DGCR2: variants seen among roughly 807,000 people sequenced by gnomAD.
DGCR2 encodes DiGeorge syndrome critical region gene 2.
A neutral mutation model predicts 51.6 loss-of-function variants in DGCR2; 24 were observed. The ratio of observed to expected loss-of-function variants is 0.47; its 90% confidence interval spans 0.34 to 0.65. DGCR2 has a LOEUF of 0.65. DGCR2 is among the 30% of genes least tolerant of loss of function. The pLI is 0.01. For synonymous variants in DGCR2, 340 were observed against 315.4 expected, an observed-to-expected ratio of 1.08 and a Z score of -0.82; for missense variants, 765 against 772.1, an observed-to-expected ratio of 0.99 and a Z score of 0.11.
At position 19,038,906 on chromosome 22, in the gene DGCR2, C is replaced by T; in HGVS notation, c.1612G>A (p.Gly538Ser). The T allele has an allele frequency of 6.2e-7, 1 of 1,612,840 alleles. No individual in the cohort carries two copies. The highest frequency in any genetic ancestry group is 8.5e-7 in the Non-Finnish European group (1 of 1,179,886). Reference sequence around the variant, plus strand: ...AGGGAGCTGCGGCTGTGGCGGCCACCCCCTGGCAGTGCCTCTGCAGCTGGG... The same window carrying T: ...AGGGAGCTGCGGCTGTGGCGGCCACTCCCTGGCAGTGCCTCTGCAGCTGGG... Reference protein sequence around the residue: ...STPAAEALPGGGRHSRSSLNT... With the variant: ...STPAAEALPGSGRHSRSSLNT... The change falls in exon 10 of 10, where the codon GGT becomes AGT. Residue 538 changes from glycine to serine, a missense_variant. Gly to Ser is a moderately conservative substitution (Grantham distance 56, BLOSUM62 0). Coordinates refer to ENST00000263196, the MANE Select transcript of DGCR2 (RefSeq NM_005137.3).
At chr22:19,052,322 A>G (rs1455144849) in intron 6 of DGCR2, among the ~76,000 whole-genome samples, 8 of 151,922 alleles carry the variant, frequency 5.3e-5, no homozygotes, top group African/African-American at 1.9e-4. Flanking sequence ...AGGCTGAGAC[A>G]TGCGAATCGC....
intron 1 of DGCR2, among the ~76,000 whole-genome samples, chr22:19,117,157 T>C (rs1005372192): frequency 5.7e-4 from 87 of 152,148 alleles, no homozygotes; most frequent in Non-Finnish European, 1.1e-3. Flanking sequence ...GAAGGACACC[T>C]GCACAAACAA....
At chr22:19,067,247 C>A (rs1203682682) in intron 3 of DGCR2, among the ~76,000 whole-genome samples, 2 of 152,244 alleles carry the variant, frequency 1.3e-5, no homozygotes, top group Admixed American at 1.3e-4. Flanking sequence ...AGCCGCTGCT[C>A]AGCGTACTTG....
chr22:19,042,755 A>G (rs1256191578), intron 7 of DGCR2, among the ~76,000 whole-genome samples: 4 of 151,902 alleles, frequency 2.6e-5, no homozygotes, highest in Non-Finnish European at 4.4e-5. Flanking sequence ...GATTGCCACA[A>G]CTCCCTGATG....
At chr22:19,050,936 C>T (rs1037369502) in intron 6 of DGCR2, among the ~76,000 whole-genome samples, 31 of 152,104 alleles carry the variant, frequency 2.0e-4, no homozygotes, top group African/African-American at 7.5e-4. Flanking sequence ...CACCTGTAAT[C>T]CCAGCACTTT....
intron 2 of DGCR2, among the ~76,000 whole-genome samples, chr22:19,076,456 C>T (rs1380595398): frequency 2.0e-5 from 3 of 152,134 alleles, no homozygotes; most frequent in South Asian, 2.1e-4. Context: ...TGAGCCACCG[C>T]GCCCGGCAGG....
Position 19,036,528 on chromosome 22 carries a change from A to C in DGCR2, c.*2337T>G, listed in dbSNP as rs1298287097. On this transcript the variant is annotated 3_prime_UTR_variant, in exon 10 of 10. Transcript: ENST00000263196. ...GACCCCTGGAGCACAAGGTTCAGCA[A>C]GGGTGACCCCGGGACTTGCTGGTCA... 6.6e-6 allele frequency: 1 copy of C among 152,458 alleles called. No homozygotes were observed. The highest frequency in any genetic ancestry group is 6.5e-5 in the Admixed American group (1 of 15,282). 9.4% of individuals were successfully genotyped at this position (152,458 alleles called of 1,614,324 possible).
At chr22:19,105,045 G>A (rs58466242) in intron 1 of DGCR2, among the ~76,000 whole-genome samples, 22 of 152,298 alleles carry the variant, frequency 1.4e-4, no homozygotes, top group African/African-American at 2.6e-4. Flanking sequence ...ACAGAGGGCC[G>A]GGCACGGTGG....
Position 19,112,274 on chromosome 22 carries a change from T to TAA in DGCR2, c.79+9852_79+9853dup, listed in dbSNP as rs374315923. On this transcript the variant is annotated intron_variant, in intron 1 of 9. Transcript: ENST00000263196. ...GGTGACACAGCAAGACTCCATCTTT[T>TAA]AAAAAAAAAAAAAAAAAACCTAGGA... Among the ~76,000 whole-genome samples, 177 of 134,894 alleles carry TAA rather than the reference T, an allele frequency of 1.3e-3. 1 individual carries two copies. Among genetic ancestry groups the TAA allele is most frequent in the Admixed American group, 5.2e-3 (69 of 13,270 alleles). 88.5% of individuals were successfully genotyped at this position (134,894 alleles called of 152,430 possible). A position where few individuals can be genotyped will look rare whatever the true frequency, so the allele number is the denominator to read the frequency against.
intron 6 of DGCR2, among the ~76,000 whole-genome samples, chr22:19,050,239 C>T (rs981215504): frequency 5.9e-5 from 9 of 152,146 alleles, no homozygotes; most frequent in Non-Finnish European, 7.3e-5. Context: ...GCAAATGGGA[C>T]GTGACTTGTT....
At chr22:19,102,701 C>CA (rs560913993) in intron 1 of DGCR2, among the ~76,000 whole-genome samples, 2,473 of 132,188 alleles carry the variant, frequency 0.019, 85 homozygotes, top group East Asian at 0.069. Context: ...GACTCCGTCT[C>CA]AAAAAAAAAA....
At chr22:19,085,480 C>T (rs1188947236) in intron 2 of DGCR2, among the ~76,000 whole-genome samples, 1 of 152,210 alleles carries the variant, frequency 6.6e-6, no homozygotes, top group African/African-American at 2.4e-5. Context: ...GGTTCCACCT[C>T]CCTTCCACTT....
chr22:19,087,539 A>G (rs1225113730), intron 2 of DGCR2, among the ~76,000 whole-genome samples: 7 of 152,132 alleles, frequency 4.6e-5, no homozygotes, highest in African/African-American at 7.2e-5. Flanking sequence ...CACCACGCCC[A>G]GCTAATTTTT....
intron 1 of DGCR2, among the ~76,000 whole-genome samples, chr22:19,099,015 A>G (rs1387980280): frequency 2.6e-5 from 4 of 152,190 alleles, no homozygotes; most frequent in African/African-American, 9.7e-5. Flanking sequence ...GCTAGCAGAC[A>G]ATGAAGTGTC....
At chr22:19,060,996 T>C (rs754785397) in intron 5 of DGCR2, 3 of 285,594 alleles carry the variant, frequency 1.1e-5, no homozygotes, top group Admixed American at 4.2e-5. Flanking sequence ...GGACAACATG[T>C]AGATGAAAGA....
chr22:19,062,926 G>T (rs900328413), intron 5 of DGCR2, among the ~76,000 whole-genome samples: 1 of 151,966 alleles, frequency 6.6e-6, no homozygotes, highest in Non-Finnish European at 1.5e-5. Context: ...ATACTCCAAG[G>T]TCTTTAACTT....
At chr22:19,118,633 T>G (rs929816915) in intron 1 of DGCR2, among the ~76,000 whole-genome samples, 2 of 152,154 alleles carry the variant, frequency 1.3e-5, no homozygotes, top group African/African-American at 4.8e-5. Context: ...CTTCTAGTCC[T>G]CTACCTTACC....
intron 2 of DGCR2, among the ~76,000 whole-genome samples, chr22:19,087,678 CTTTTTT>C (rs35513614): frequency 8.3e-6 from 1 of 120,294 alleles, no homozygotes. Context: ...CTGCACCTGG[CTTTTTT>C]TTTTTTTTTT....
chr22:19,071,345 T>C (rs1216085152), intron 2 of DGCR2, among the ~76,000 whole-genome samples: 2 of 152,376 alleles, frequency 1.3e-5, no homozygotes, highest in East Asian at 3.8e-4. Context: ...AGACTATTTA[T>C]TCACAAATTA....
Sources: allele counts gnomAD v4.1 joint callset (sites outside exome capture counted in the v4.1 genomes callset), GRCh38; gene constraint gnomAD v4.1.1; transcripts MANE v1.5; gene names NCBI Gene and HGNC (gene_info 2026-07-23, HGNC 2026-07-21).